The following SCAPER variants were observed in gnomAD, a reference collection of about 807,000 sequenced individuals.
SCAPER encodes the protein S phase cyclin A-associated protein in the endoplasmic reticulum.
SCAPER carries 98 observed loss-of-function variants against 182.2 expected under a neutral mutation model. The ratio of observed to expected loss-of-function variants is 0.54; its 90% CI spans 0.46 to 0.64. The LOEUF (loss-of-function observed/expected upper bound fraction) is 0.64. Ranked by LOEUF, SCAPER falls within the 30% of genes least tolerant of loss-of-function variation. The pLI, the probability that SCAPER is intolerant of heterozygous loss-of-function variation, is 0.00. For missense variants in SCAPER, 1,432 were observed against 1,690.0 expected, an observed-to-expected ratio of 0.85 and a Z score of 2.68; for synonymous variants, 605 against 564.6, an observed-to-expected ratio of 1.07 and a Z score of -1.01.
At chr15:76,431,165 TA>T (rs1321412022) in intron 26 of SCAPER, among the ~76,000 whole-genome samples, 26 of 128,066 alleles carry the variant, frequency 2.0e-4, no homozygotes, top group African/African-American at 7.7e-4. Flanking sequence ...TCTTTAACAG[TA>T]GTGTAAAAAC....
At chr15:76,533,503 G>A (rs2043855936) in intron 23 of SCAPER, among the ~76,000 whole-genome samples, 1 of 152,078 alleles carries the variant, frequency 6.6e-6, no homozygotes. Flanking sequence ...TATAGCCTAT[G>A]TGTGAAGCAG....
chr15:76,659,300 T>A (rs920094564), intron 21 of SCAPER, among the ~76,000 whole-genome samples: 1 of 152,148 alleles, frequency 6.6e-6, no homozygotes, highest in East Asian at 1.9e-4. Context: ...AGTCAGGGTC[T>A]TGCTCTGTTG....
intron 25 of SCAPER, among the ~76,000 whole-genome samples, chr15:76,446,792 CAG>C (rs1322222275): frequency 6.6e-6 from 1 of 152,156 alleles, no homozygotes; most frequent in East Asian, 1.9e-4. Context: ...GAAATATATA[CAG>C]ACAGTCCCCA....
intron 28 of SCAPER, among the ~76,000 whole-genome samples, chr15:76,378,399 G>A (rs1411276389): frequency 6.6e-6 from 1 of 152,004 alleles, no homozygotes; most frequent in African/African-American, 2.4e-5. Context: ...TACATACATA[G>A]ATCCTAAAAT....
chr15:76,678,001 G>A (rs2057465814), intron 20 of SCAPER, among the ~76,000 whole-genome samples: 2 of 151,908 alleles, frequency 1.3e-5, no homozygotes, highest in Admixed American at 6.6e-5. Context: ...GTCAAGTGTT[G>A]TCTCAAACAC....
At chr15:76,520,865 TAC>T (rs1366714682) in intron 23 of SCAPER, among the ~76,000 whole-genome samples, 2 of 152,214 alleles carry the variant, frequency 1.3e-5, no homozygotes, top group East Asian at 3.8e-4. Flanking sequence ...CCCTGCATGG[TAC>T]ACACTGAAAA....
intron 4 of SCAPER, among the ~76,000 whole-genome samples, chr15:76,845,194 A>G (rs1456755642): frequency 6.6e-6 from 1 of 152,132 alleles, no homozygotes; most frequent in Non-Finnish European, 1.5e-5. Context: ...AAAACCCTCA[A>G]CTACTGGGCA....
intron 2 of SCAPER, among the ~76,000 whole-genome samples, chr15:76,878,574 G>C (rs2073334943): frequency 6.6e-6 from 1 of 152,068 alleles, no homozygotes; most frequent in South Asian, 2.1e-4. Context: ...AGTGCCAAAG[G>C]TGCCAAAGGT....
At position 76,598,675 on chromosome 15, in the gene SCAPER, G is replaced by A. The variant is rs545726986; in HGVS notation, c.2711+23089C>T. On this transcript the variant is annotated intron_variant, in intron 22 of 31. Coordinates refer to ENST00000563290, the MANE Select transcript of SCAPER (RefSeq NM_020843.4). ...AGGGACATAGATGAAGCTGGAAACC[G>A]TCATTCTCTGCAAACTAACACAGGA... Among the ~76,000 whole-genome samples, 591 of 120,546 alleles carry A rather than the reference G, an allele frequency of 4.9e-3. 64 individuals carry two copies. The highest frequency in any genetic ancestry group is 0.014 in the African/African-American group (573 of 39,598). The allele number at this position is 120,546 out of a possible 152,430, so 79.1% of individuals were successfully genotyped here.
intron 8 of SCAPER, among the ~76,000 whole-genome samples, chr15:76,788,747 A>G (rs2064795475): frequency 6.6e-6 from 1 of 152,240 alleles, no homozygotes; most frequent in Admixed American, 6.5e-5. Context: ...CTTTATTATG[A>G]AAGTTCTCAA....
chr15:76,463,514 G>C (rs2049351470), intron 25 of SCAPER, among the ~76,000 whole-genome samples: 1 of 152,060 alleles, frequency 6.6e-6, no homozygotes, highest in African/African-American at 2.4e-5. Flanking sequence ...TTTAAGGTTA[G>C]TACATCACTT....
intron 3 of SCAPER, among the ~76,000 whole-genome samples, chr15:76,861,123 T>C (rs761937056): frequency 1.6e-4 from 25 of 151,808 alleles, no homozygotes; most frequent in Non-Finnish European, 2.8e-4. Context: ...AATGATGGAG[T>C]TGTTAACAAA....
rs1353134311 is a variant in SCAPER at position 76,705,996 on chromosome 15, C to T, written c.2166-12G>A. On this transcript the variant is annotated splice_polypyrimidine_tract_variant and intron_variant, in intron 17 of 31. Transcript: ENST00000563290. ...GTTCTTCCCTGTCTCTGTAAGAAGACAGTAAAAATTATAAACTCAACTGCT... is the reference window on the plus strand; with the variant it reads ...GTTCTTCCCTGTCTCTGTAAGAAGATAGTAAAAATTATAAACTCAACTGCT... 3.3e-6 allele frequency: 5 copies of T among 1,532,442 alleles called. No individual in the cohort carries two copies. The highest frequency in any genetic ancestry group is 4.4e-6 in the Non-Finnish European group (5 of 1,143,152). The allele number at this position is 1,532,442 out of a possible 1,614,324, so 94.9% of individuals were successfully genotyped here. A position where few individuals can be genotyped will look rare whatever the true frequency, so the allele number is the denominator to read the frequency against.
intron 22 of SCAPER, among the ~76,000 whole-genome samples, chr15:76,609,110 G>C (rs1041479655): frequency 4.6e-5 from 7 of 152,124 alleles, no homozygotes; most frequent in Admixed American, 3.9e-4. Context: ...CGTCTTCTGC[G>C]TCGCTCATGC....
intron 23 of SCAPER, 111 bp from the exon 24 acceptor site, chr15:76,505,085 A>G (rs2041459241): frequency 2.6e-6 from 2 of 757,520 alleles, no homozygotes; most frequent in Admixed American, 3.0e-5. Flanking sequence ...TACAAATATT[A>G]TTTTATAAAT....
intron 28 of SCAPER, 23 bp downstream of exon 28, chr15:76,381,355 C>T (rs762092242): frequency 4.4e-6 from 7 of 1,584,224 alleles, no homozygotes; most frequent in East Asian, 4.5e-5. Context: ...TGGTTAACAT[C>T]GATATAAACC....
chr15:76,509,566 C>A (rs1353130651), intron 23 of SCAPER, among the ~76,000 whole-genome samples: 1 of 152,112 alleles, frequency 6.6e-6, no homozygotes, highest in Non-Finnish European at 1.5e-5. Context: ...AAATACAATA[C>A]AGATGAAGTA....
chr15:76,604,810 T>C (rs1244266987), intron 22 of SCAPER, among the ~76,000 whole-genome samples: 3 of 151,618 alleles, frequency 2.0e-5, no homozygotes, highest in African/African-American at 7.2e-5. Flanking sequence ...AGTTCACTCA[T>C]GATTTGGCTC....
At chr15:76,643,760 C>T (rs1013602920) in intron 21 of SCAPER, among the ~76,000 whole-genome samples, 1 of 152,152 alleles carries the variant, frequency 6.6e-6, no homozygotes, top group African/African-American at 2.4e-5. Context: ...TAAAAACTAG[C>T]TAAATTTTTA....
Sources: allele counts gnomAD v4.1 joint callset (sites outside exome capture counted in the v4.1 genomes callset), GRCh38; gene constraint gnomAD v4.1.1; transcripts MANE v1.5; gene names NCBI Gene and HGNC (gene_info 2026-07-23, HGNC 2026-07-21).